GRIN2A: variants seen among roughly 807,000 people sequenced by gnomAD.
GRIN2A encodes glutamate receptor ionotropic, NMDA 2A.
Under a neutral mutation model 113.4 loss-of-function variants are expected in GRIN2A, and 22 were observed. The ratio of observed to expected loss-of-function variants is 0.19; its 90% CI spans 0.14 to 0.28. The LOEUF (loss-of-function observed/expected upper bound fraction) is 0.28. GRIN2A is among the 10% of genes least tolerant of loss of function. The pLI, the probability that GRIN2A is intolerant of heterozygous loss-of-function variation, is 1.00. For missense variants in GRIN2A, 1,502 were observed against 1,887.0 expected, an observed-to-expected ratio of 0.80 and a Z score of 3.78; for synonymous variants, 827 against 738.4, an observed-to-expected ratio of 1.12 and a Z score of -1.94.
chr16:10,113,364 C>T (rs189797492), intron 2 of GRIN2A, among the ~76,000 whole-genome samples: 263 of 152,350 alleles, frequency 1.7e-3, no homozygotes, highest in African/African-American at 5.7e-3. Context: ...CTGCCCCCTT[C>T]CCCGGTCCTG....
intron 11 of GRIN2A, among the ~76,000 whole-genome samples, chr16:9,771,194 C>A (rs1044734050): frequency 1.3e-4 from 19 of 150,200 alleles, no homozygotes; most frequent in Admixed American, 1.1e-3. Context: ...ATATAATAGT[C>A]CCATCTTTTT....
chr16:10,089,379 G>A (rs889358510), intron 2 of GRIN2A, among the ~76,000 whole-genome samples: 4 of 152,126 alleles, frequency 2.6e-5, no homozygotes, highest in South Asian at 2.1e-4. Context: ...GCAATTTTTT[G>A]TATGTCAACT....
intron 2 of GRIN2A, among the ~76,000 whole-genome samples, chr16:10,096,393 C>T (rs142471113): frequency 6.6e-6 from 1 of 152,286 alleles, no homozygotes; most frequent in Non-Finnish European, 1.5e-5. Context: ...CTGAATCTGA[C>T]ACTTCGGTGG....
chr16:9,836,917 A>G (rs1238465195), intron 7 of GRIN2A, among the ~76,000 whole-genome samples: 1 of 152,152 alleles, frequency 6.6e-6, no homozygotes, highest in Non-Finnish European at 1.5e-5. Flanking sequence ...TTGTTTGGAA[A>G]CTCTTCAGAA....
At chr16:10,040,741 T>C (rs913344557) in intron 2 of GRIN2A, among the ~76,000 whole-genome samples, 1 of 152,168 alleles carries the variant, frequency 6.6e-6, no homozygotes, top group Non-Finnish European at 1.5e-5. Flanking sequence ...CACACTCCCA[T>C]GGAGACACAC....
chr16:10,100,950 C>CA (rs1318393142), intron 2 of GRIN2A, among the ~76,000 whole-genome samples: 4 of 152,166 alleles, frequency 2.6e-5, no homozygotes, highest in South Asian at 4.1e-4. Flanking sequence ...GATCTGCCTT[C>CA]AAAAAAGAAT....
chr16:10,117,283 C>A (rs1446124709), intron 2 of GRIN2A, among the ~76,000 whole-genome samples: 1 of 152,140 alleles, frequency 6.6e-6, no homozygotes, highest in African/African-American at 2.4e-5. Context: ...AATACCAAGT[C>A]TTTTCCCCCA....
At chr16:9,997,519 A>G (rs927154238) in intron 2 of GRIN2A, among the ~76,000 whole-genome samples, 2 of 152,220 alleles carry the variant, frequency 1.3e-5, no homozygotes, top group Non-Finnish European at 2.9e-5. Context: ...CCAAACATTA[A>G]GAGACAAAGC....
In GRIN2A at chr16:9,762,990, C is replaced by T. The variant is rs922191711; in HGVS notation, c.*159G>A. The stretch of plus-strand genomic sequence containing the variant: ...AGATTCCTTGAGTGGAAGATTATGG[C>T]ATGAAGCCGTGTGCAAAAGAGCCAA... On this transcript the variant is annotated 3_prime_UTR_variant, in exon 13 of 13. Transcript: ENST00000330684. 10 of 704,534 alleles carry T rather than the reference C, an allele frequency of 1.4e-5. No individual in the cohort carries two copies. Among genetic ancestry groups the T allele is most frequent in the Admixed American group, 2.4e-5 (1 of 42,206 alleles). 43.6% of individuals were successfully genotyped at this position (704,534 alleles called of 1,614,324 possible). A position where few individuals can be genotyped will look rare whatever the true frequency, so the allele number is the denominator to read the frequency against.
intron 11 of GRIN2A, among the ~76,000 whole-genome samples, chr16:9,796,928 A>G (rs1903027795): frequency 6.6e-6 from 1 of 152,248 alleles, no homozygotes; most frequent in Non-Finnish European, 1.5e-5. Context: ...GAAGGTACAA[A>G]TGCCCTATGG....
intron 2 of GRIN2A, among the ~76,000 whole-genome samples, chr16:9,973,675 G>C (rs572871971): frequency 6.6e-6 from 1 of 151,894 alleles, no homozygotes; most frequent in East Asian, 1.9e-4. Context: ...ATTAGCAAGA[G>C]AAAAATAGCA....
At chr16:10,160,415 A>G (rs1269500904) in intron 2 of GRIN2A, among the ~76,000 whole-genome samples, 2 of 152,206 alleles carry the variant, frequency 1.3e-5, no homozygotes, top group Non-Finnish European at 2.9e-5. Flanking sequence ...TAGCTTCTAA[A>G]TTCCACCCCA....
intron 2 of GRIN2A, among the ~76,000 whole-genome samples, chr16:10,082,825 T>G (rs2142060323): frequency 6.6e-6 from 1 of 152,354 alleles, no homozygotes; most frequent in Non-Finnish European, 1.5e-5. Context: ...AAGATAGTGA[T>G]GATGTCAGTG....
chr16:10,082,943 T>TTC (rs5815556), intron 2 of GRIN2A, among the ~76,000 whole-genome samples: 130,418 of 152,084 alleles, frequency 0.86, 56,441 homozygotes, highest in East Asian at 1. Context: ...TTTCCTGTCA[T>TTC]TCTTTTTTAA....
At chr16:10,125,926 A>T (rs921325181) in intron 2 of GRIN2A, among the ~76,000 whole-genome samples, 1 of 152,046 alleles carries the variant, frequency 6.6e-6, no homozygotes, top group Non-Finnish European at 1.5e-5. Flanking sequence ...TGACACACTC[A>T]CACCTGCAGG....
At chr16:10,073,360 CTAA>C (rs1409419852) in intron 2 of GRIN2A, among the ~76,000 whole-genome samples, 8 of 152,124 alleles carry the variant, frequency 5.3e-5, no homozygotes. Flanking sequence ...ACTGCAGTCT[CTAA>C]AGACACAGGA....
chr16:10,075,796 A>G (rs1339895537), intron 2 of GRIN2A, among the ~76,000 whole-genome samples: 1 of 152,332 alleles, frequency 6.6e-6, no homozygotes, highest in East Asian at 1.9e-4. Flanking sequence ...GTCAATATCT[A>G]AAATAATGCC....
Position 9,760,730 on chromosome 16 carries a change from G to C in GRIN2A, c.*2419C>G. 4.4e-6 allele frequency: 1 copy of C among 228,520 alleles called. No individual in the cohort carries two copies. The highest frequency in any genetic ancestry group is 2.2e-5 in the African/African-American group (1 of 45,166). The allele number at this position is 228,520 out of a possible 1,614,324, so 14.2% of individuals were successfully genotyped here. A position where few individuals can be genotyped will look rare whatever the true frequency, so the allele number is the denominator to read the frequency against. ...CTGGGTTTAGAGGACACCAGAGGAAGACAGAAAGCCTCTTTGGCTTGACGA... is the reference window on the plus strand; with the variant it reads ...CTGGGTTTAGAGGACACCAGAGGAACACAGAAAGCCTCTTTGGCTTGACGA... On this transcript the variant is annotated 3_prime_UTR_variant, in exon 13 of 13. Transcript: ENST00000330684.
chr16:9,801,700 C>T (rs1308090021), intron 10 of GRIN2A, among the ~76,000 whole-genome samples: 1 of 152,198 alleles, frequency 6.6e-6, no homozygotes, highest in Non-Finnish European at 1.5e-5. Flanking sequence ...GGCAGGACAG[C>T]TGCAAAAGAT....
Sources: allele counts gnomAD v4.1 joint callset (sites outside exome capture counted in the v4.1 genomes callset), GRCh38; gene constraint gnomAD v4.1.1; transcripts MANE v1.5; gene names NCBI Gene and HGNC (gene_info 2026-07-23, HGNC 2026-07-21).